NEB: variants seen among roughly 807,000 people sequenced by gnomAD.
NEB encodes nebulin.
In NEB, 512 loss-of-function variants were observed where a neutral mutation model predicts 952.2. That is an observed-to-expected ratio of 0.54 (90% CI 0.50 to 0.58). The LOEUF (loss-of-function observed/expected upper bound fraction) is 0.58. Ranked by LOEUF, NEB falls within the 20% of genes least tolerant of loss-of-function variation. NEB has a pLI of 0.00. For synonymous variants in NEB, 2,900 were observed against 3,149.8 expected (o/e 0.92, Z 2.66); for missense variants, 8,428 against 9,231.1 (o/e 0.91, Z 3.56).
rs1413524044 is a variant in NEB, at chr2:151,619,458, T to C, written c.10865A>G (p.Gln3622Arg). 1.9e-6 allele frequency: 3 copies of C among 1,600,654 alleles called. No homozygotes were observed. The highest frequency in any genetic ancestry group is 2.2e-5 in the East Asian group (1 of 44,672). Residue 3622 changes from glutamine (Q) to arginine (R), a missense_variant, in exon 73 of 182, where the codon CAG (glutamine) becomes CGG (arginine). Gln to Arg is a conservative substitution (Grantham distance 43). Around this residue, in one of 11 missense-constraint regions of NEB, gnomAD observed 1,772 missense variants for 1,960.3 expected, o/e 0.90. Coordinates refer to ENST00000397345, the MANE Select transcript of NEB (RefSeq NM_001164508.2). ...AACATCAAGGAAACTTACGTCACTC[T>C]GGAGGTCATAGGCTTTCCGTGCATG... ...IIHARKAYDL[Q>R]SDNLYKSDLE...
chr2:151,733,097 C>G, intron 3 of NEB, 24 bp downstream of exon 3: 2 of 1,587,102 alleles, frequency 1.3e-6, no homozygotes, highest in Non-Finnish European at 8.6e-7. Context: ...AGTTTGCTGT[C>G]AGTGTTTTTT....
At chr2:151,553,794 C>A in intron 126 of NEB, 34 bp downstream of exon 126, 1 of 1,568,182 alleles carries the variant, frequency 6.4e-7, no homozygotes, top group Non-Finnish European at 8.7e-7. Flanking sequence ...TGGGGCGGGG[C>A]CGTGGAGGGG....
chr2:151,512,856 T>A lies in NEB; in HGVS notation c.23242-19A>T. On this transcript the variant is annotated intron_variant, in intron 160 of 181. Transcript: ENST00000397345. ...ACTTAATCTGTAAAACAACACCGAA[T>A]AGTTGGGTAAATGTTTGCAATGTGC... is the stretch of plus-strand genomic sequence containing the variant. The A allele has an allele frequency of 6.5e-7, 1 of 1,536,852 alleles. No individual in the cohort carries two copies. Among genetic ancestry groups the A allele is most frequent in the Non-Finnish European group, 9.0e-7 (1 of 1,113,392 alleles).
At chr2:151,722,415 T>C (rs2099777016) in intron 9 of NEB, among the ~76,000 whole-genome samples, 1 of 152,230 alleles carries the variant, frequency 6.6e-6, no homozygotes, top group Non-Finnish European at 1.5e-5. Flanking sequence ...AGGTCTAGGA[T>C]ACCAAAATTC....
rs543560458 is a variant in NEB at position 151,519,876 on chromosome 2, ATCATATAATC to A, written c.22480-118_22480-109del. ...AAGAATATGCATTGTACATAGAGTG[ATCATATAATC>A]TATTATCCAAACTGGGACATTTAGA... On this transcript the variant is annotated intron_variant, in intron 153 of 181. Coordinates refer to ENST00000397345, the MANE Select transcript of NEB (RefSeq NM_001164508.2). 5.3e-4 allele frequency: 364 copies of A among 681,472 alleles called. 1 individual carries two copies. In the African/African-American group the frequency reaches 5.3e-3, roughly 10 times the overall value. 42.2% of individuals were successfully genotyped at this position (681,472 alleles called of 1,614,324 possible). A position where few individuals can be genotyped will look rare whatever the true frequency, so the allele number is the denominator to read the frequency against.
rs2098537933 is a variant in NEB, at chr2:151,626,929, C to A, written c.10347+73G>T. 2.9e-5 allele frequency: 45 copies of A among 1,537,854 alleles called. No homozygotes were observed. In the South Asian group the frequency reaches 4.9e-4, roughly 17 times the overall value. ...AATTTAATTGGATTTAAAAAAGAGA[C>A]TAACTTAATTAACAATAGGTATCTT... On this transcript the variant is annotated intron_variant, in intron 70 of 181. Coordinates refer to ENST00000397345, the MANE Select transcript of NEB (RefSeq NM_001164508.2).
rs10930723 is a variant in NEB at position 151,655,264 on chromosome 2, A to G, written c.6807+6T>C. On this transcript the variant is annotated splice_donor_region_variant and intron_variant, in intron 51 of 181. Transcript: ENST00000397345. ...AAACTTAAAATTAATTTTTATATAA[A>G]TTTACCTGACTATACAGTGTTTGAT... 2 of 1,479,364 alleles carry G rather than the reference A, an allele frequency of 1.4e-6. No homozygotes were observed. The highest frequency in any genetic ancestry group is 2.8e-5 in the African/African-American group (2 of 71,566). 91.6% of individuals were successfully genotyped at this position (1,479,364 alleles called of 1,614,324 possible).
chr2:151,639,470 A>C (rs2098820184), intron 62 of NEB, 86 bp from the exon 63 acceptor site: 1 of 996,602 alleles, frequency 1.0e-6, no homozygotes, highest in Non-Finnish European at 1.4e-6. Flanking sequence ...ACTTTATAAA[A>C]AAAAAGAAAA....
In NEB at chr2:151,526,029, C is replaced by G. The variant is rs2085588572; in HGVS notation, c.22090G>C (p.Gly7364Arg). The G allele has an allele frequency of 6.2e-7, 1 of 1,613,988 alleles. No individual in the cohort carries two copies. Among genetic ancestry groups the G allele is most frequent in the Admixed American group, 1.7e-5 (1 of 60,008 alleles). The change falls in exon 150 of 182, where the codon GGC becomes CGC. Residue 7364 changes from glycine (G) to arginine (R), a missense_variant. By Grantham distance (125) the Gly-to-Arg change is moderately radical. Around this residue, in one of 11 missense-constraint regions of NEB, gnomAD observed 3,374 missense variants for 3,651.5 expected, o/e 0.92. Coordinates refer to ENST00000397345, the MANE Select transcript of NEB (RefSeq NM_001164508.2). ...KDHVKKHLAQ[G>R]SYTTLPETRD... ...GTCTCTGGTAGTGTTGTGTATGAGC[C>G]CTGTGCCAAGTGCTTCTTGACATGG...
At chr2:151,572,507 T>TTA (rs534894362) in intron 107 of NEB, among the ~76,000 whole-genome samples, 5,956 of 145,180 alleles carry the variant, frequency 0.041, 200 homozygotes, top group South Asian at 0.085. Context: ...TATTGAATAT[T>TTA]TATATATATA....
chr2:151,687,356 A>G (rs2099510719), intron 27 of NEB, 63 bp downstream of exon 27: 1 of 1,382,220 alleles, frequency 7.2e-7, no homozygotes, highest in Non-Finnish European at 1.0e-6. Context: ...CCACACTACT[A>G]CCCTTGGGCA....
chr2:151,567,375 A>G lies in NEB; in HGVS notation c.17949T>C (p.Ile5983=). 1 of 1,613,838 alleles carries G rather than the reference A, an allele frequency of 6.2e-7. No homozygotes were observed. ...CCTCTTTGTATAGTCTCTCATTCTG[A>G]ATCTGGCCTGCATGCTCAAACCAAA... is the stretch of plus-strand genomic sequence containing the variant. ...KLVWFEHAGQ[I]QNERLYKEDY... The change falls in exon 114 of 182, where the codon ATT becomes ATC. Residue 5983 remains isoleucine (I), a synonymous_variant. Coordinates refer to ENST00000397345, the MANE Select transcript of NEB (RefSeq NM_001164508.2).
rs756920047 is a variant in NEB at position 151,695,604 on chromosome 2, T to C, written c.1648A>G (p.Lys550Glu). 1.9e-6 allele frequency: 3 copies of C among 1,613,738 alleles called. No individual in the cohort carries two copies. In the Admixed American group the frequency reaches 5.0e-5, roughly 27 times the overall value. ...PPDTPAFIQHKVNAYNLSDNL... is the reference protein window; with the variant it reads ...PPDTPAFIQHEVNAYNLSDNL... ...TCACTCAAGTTATAGGCATTGACTT[T>C]GTGCTGGATAAAAGCAGGAGTATCA... is the stretch of plus-strand genomic sequence containing the variant. Residue 550 changes from lysine to glutamate, a missense_variant, in exon 18 of 182, where the codon AAA (lysine) becomes GAA (glutamate). Around this residue, in one of 11 missense-constraint regions of NEB, gnomAD observed 2,851 missense variants for 2,791.5 expected, o/e 1.02. Transcript: ENST00000397345.
intron 10 of NEB, 148 bp from the exon 11 acceptor site, chr2:151,710,686 A>C: frequency 1.9e-6 from 1 of 521,966 alleles, no homozygotes; most frequent in African/African-American, 1.9e-5. Flanking sequence ...AAAATCTTCC[A>C]ATGTACTGTC....
chr2:151,662,097 C>G (rs772343601), intron 46 of NEB, 38 bp downstream of exon 46: 16 of 1,534,902 alleles, frequency 1.0e-5, no homozygotes, highest in Non-Finnish European at 1.4e-5. Context: ...TGGATTCTCT[C>G]TGATGCATAT....
At chr2:151,516,958 T>C (rs896491142) in intron 156 of NEB, among the ~76,000 whole-genome samples, 17 of 152,332 alleles carry the variant, frequency 1.1e-4, no homozygotes, top group African/African-American at 3.8e-4. Context: ...ATATTTCTGA[T>C]AAAAATCCTT....
In NEB at chr2:151,672,418, T is replaced by C; in HGVS notation, c.4250A>G (p.Asp1417Gly). The C allele has an allele frequency of 1.2e-6, 2 of 1,612,228 alleles. No homozygotes were observed. The highest frequency in any genetic ancestry group is 1.7e-6 in the Non-Finnish European group (2 of 1,178,390). The change falls in exon 37 of 182, where the codon GAC (aspartate) becomes GGC (glycine). Residue 1417 changes from aspartate (D) to glycine (G), a missense_variant. Physicochemically the swap from Asp to Gly is moderately conservative, Grantham distance 94 (BLOSUM62 -1). This residue lies in a region of NEB where 2,851 missense variants were observed against 2,791.5 expected (regional missense o/e 1.02). Coordinates refer to ENST00000397345, the MANE Select transcript of NEB (RefSeq NM_001164508.2). ...CCTCGTATGCTCAAGACTCATGGCG[T>C]CAGGTAGGTATGTGTAATGATGCAA... ...QPLHHYTYLP[D>G]AMSLEHTRNV...
chr2:151,709,693 T>C lies in NEB; in HGVS notation c.998A>G (p.Tyr333Cys), dbSNP rs775367325. 1.2e-6 allele frequency: 2 copies of C among 1,604,588 alleles called. No individual in the cohort carries two copies. Among genetic ancestry groups the C allele is most frequent in the Admixed American group, 1.7e-5 (1 of 58,856 alleles). ...CACACCAGCTTTTTTATTCATTTTA[T>C]ACTCTGGTGTTTCGGTCTGCATGAA... ...IYFMQTETPE[Y>C]KMNKKAGVAA... The change falls in exon 12 of 182, where the codon TAT becomes TGT. Residue 333 changes from tyrosine (Y) to cysteine (C), a missense_variant. By Grantham distance (194) the Tyr-to-Cys change is radical. Transcript: ENST00000397345.
chr2:151,511,452 G>A lies in NEB; in HGVS notation c.23346+1281C>T, dbSNP rs903294550. Reference sequence around the variant, plus strand: ...TCCCCAACCTGATTGGTCATTAAGAGATCATCTGTGAAAATTAAAAACAAA... The same window carrying A: ...TCCCCAACCTGATTGGTCATTAAGAAATCATCTGTGAAAATTAAAAACAAA... On this transcript the variant is annotated intron_variant, in intron 161 of 181. Coordinates refer to ENST00000397345, the MANE Select transcript of NEB (RefSeq NM_001164508.2). 2.6e-5 allele frequency among the ~76,000 whole-genome samples: 4 copies of A among 152,152 alleles called. No individual in the cohort carries two copies. The East Asian group carries it at 5.8e-4, about 22-fold the overall frequency.
Sources: gnomAD v4.1 joint callset for allele counts (sites outside exome capture counted in the v4.1 genomes callset) on GRCh38, gnomAD v4.1.1 for gene constraint, gnomAD v4.1.1 regional missense constraint, MANE v1.5 for transcripts, NCBI Gene and HGNC (gene_info 2026-07-23, HGNC 2026-07-21) for gene names.